AKAP12: variants seen among roughly 807,000 people sequenced by gnomAD.
AKAP12 encodes the protein A-kinase anchoring protein 12, also known as A-kinase anchor protein 12.
A neutral mutation model predicts 79.9 loss-of-function variants in AKAP12; 32 were observed. The ratio of observed to expected loss-of-function variants is 0.40; its 90% CI spans 0.30 to 0.54. The LOEUF (loss-of-function observed/expected upper bound fraction) is 0.54. Among genes scored for constraint, AKAP12 ranks in the 20% least tolerant of loss-of-function variants. The pLI, the probability that AKAP12 is intolerant of heterozygous loss-of-function variation, is 0.48. For missense variants in AKAP12, 2,074 were observed against 2,177.0 expected, an observed-to-expected ratio of 0.95 and a Z score of 0.94; for synonymous variants, 808 against 857.0, an observed-to-expected ratio of 0.94 and a Z score of 1.00.
chr6:151,257,048 A>T (rs937406789), intron 2 of AKAP12, among the ~76,000 whole-genome samples: 14 of 151,998 alleles, frequency 9.2e-5, no homozygotes, highest in African/African-American at 3.4e-4. Flanking sequence ...ACAACTTTTT[A>T]AAAAATAATT....
At chr6:151,304,735 C>A (rs1181994599) in intron 2 of AKAP12, among the ~76,000 whole-genome samples, 3 of 151,658 alleles carry the variant, frequency 2.0e-5, no homozygotes, top group Non-Finnish European at 4.4e-5. Context: ...CACCACCATG[C>A]CTGGCTAATT....
At chr6:151,244,595 T>G (rs1345968224) in intron 2 of AKAP12, among the ~76,000 whole-genome samples, 1 of 152,130 alleles carries the variant, frequency 6.6e-6, no homozygotes, top group Non-Finnish European at 1.5e-5. Flanking sequence ...ATTCCTCCCA[T>G]AAGCTTCCTC....
At chr6:151,329,905 A>G (rs1202027284) in intron 3 of AKAP12, among the ~76,000 whole-genome samples, 1 of 152,250 alleles carries the variant, frequency 6.6e-6, no homozygotes, top group African/African-American at 2.4e-5. Context: ...TAGAAAGAGC[A>G]TAACTGTAGA....
chr6:151,312,972 C>T (rs756507448), intron 3 of AKAP12, among the ~76,000 whole-genome samples: 1 of 152,090 alleles, frequency 6.6e-6, no homozygotes, highest in Non-Finnish European at 1.5e-5. Context: ...TAAATGAAGA[C>T]ACAGTTTTCA....
chr6:151,279,078 A>G (rs927486568), intron 2 of AKAP12, among the ~76,000 whole-genome samples: 5 of 152,162 alleles, frequency 3.3e-5, no homozygotes, highest in African/African-American at 1.2e-4. Flanking sequence ...TTCAATAAGC[A>G]GTTATAGTGG....
chr6:151,280,785 T>C (rs1776389195), intron 2 of AKAP12, among the ~76,000 whole-genome samples: 1 of 152,036 alleles, frequency 6.6e-6, no homozygotes, highest in Middle Eastern at 3.4e-3. Context: ...GGACTACAGT[T>C]GTAGGCCATC....
At chr6:151,327,428 T>C (rs935590542) in intron 3 of AKAP12, among the ~76,000 whole-genome samples, 2 of 152,202 alleles carry the variant, frequency 1.3e-5, no homozygotes, top group African/African-American at 2.4e-5. Flanking sequence ...ATCTCCATTT[T>C]TTCCCCCAGA....
At position 151,352,660 on chromosome 6, in the gene AKAP12, G is replaced by T; in HGVS notation, c.4269G>T (p.Ala1423=). Residue 1423 remains alanine (A), a synonymous_variant, in exon 4 of 5, where the codon GCG becomes GCT. Coordinates refer to ENST00000402676, the MANE Select transcript of AKAP12 (RefSeq NM_005100.4). ...CTGAGGCATCATTCACTCTAACAGCGGCTGCAGAGGAGGAAAAGGTCTTAG... is the reference window on the plus strand; with the variant it reads ...CTGAGGCATCATTCACTCTAACAGCTGCTGCAGAGGAGGAAAAGGTCTTAG... ...QSSEASFTLT[A]AAEEEKVLGE... 1.9e-6 allele frequency: 3 copies of T among 1,614,140 alleles called. No homozygotes were observed. Among genetic ancestry groups the T allele is most frequent in the African/African-American group, 1.3e-5 (1 of 75,022 alleles).
At chr6:151,290,410 C>T (rs1174717766) in intron 2 of AKAP12, among the ~76,000 whole-genome samples, 1 of 152,074 alleles carries the variant, frequency 6.6e-6, no homozygotes, top group Non-Finnish European at 1.5e-5. Context: ...CCTAGCACAT[C>T]CCTCACCCAA....
intron 2 of AKAP12, among the ~76,000 whole-genome samples, chr6:151,289,612 G>C (rs1211018203): frequency 3.9e-5 from 6 of 152,160 alleles, no homozygotes; most frequent in Non-Finnish European, 7.3e-5. Flanking sequence ...AAGGTTGCAA[G>C]ATGTGCAATA....
intron 2 of AKAP12, among the ~76,000 whole-genome samples, chr6:151,300,823 G>A (rs1200157767): frequency 6.6e-6 from 1 of 151,954 alleles, no homozygotes; most frequent in African/African-American, 2.4e-5. Flanking sequence ...AAACATTTAG[G>A]GTTTTGATTT....
Position 151,348,683 on chromosome 6 carries a change from C to G in AKAP12, c.320-28C>G, listed in dbSNP as rs774348880. ...ATTGTAATCACCTTTTCTCTTCTCCCCACCCCCCCGCCCCTTTTTGTTAAT... is the reference window on the plus strand; with the variant it reads ...ATTGTAATCACCTTTTCTCTTCTCCGCACCCCCCCGCCCCTTTTTGTTAAT... On this transcript the variant is annotated intron_variant, in intron 3 of 4. Coordinates refer to ENST00000402676, the MANE Select transcript of AKAP12 (RefSeq NM_005100.4). 7 of 223,834 alleles carry G rather than the reference C, an allele frequency of 3.1e-5. 1 individual carries two copies. The East Asian group carries it at 3.4e-4, about 11-fold the overall frequency. 13.9% of individuals were successfully genotyped at this position (223,834 alleles called of 1,614,324 possible).
chr6:151,345,932 TGAGAGAGAGAGAGA>T (rs56202215), intron 3 of AKAP12, among the ~76,000 whole-genome samples: 6 of 101,374 alleles, frequency 5.9e-5, no homozygotes, highest in African/African-American at 2.6e-4. Flanking sequence ...TGTGTGTGTG[TGAGAGAGAGAGAGA>T]GAGAGAGAGA....
At chr6:151,339,206 G>A (rs145182209) in intron 3 of AKAP12, among the ~76,000 whole-genome samples, 9 of 152,266 alleles carry the variant, frequency 5.9e-5, no homozygotes, top group African/African-American at 2.2e-4. Flanking sequence ...CATAAGTGGC[G>A]CTTATGAACT....
chr6:151,356,941 C>T lies in AKAP12; in HGVS notation c.*1227C>T, dbSNP rs1370182387. On this transcript the variant is annotated 3_prime_UTR_variant, in exon 5 of 5. Coordinates refer to ENST00000402676, the MANE Select transcript of AKAP12 (RefSeq NM_005100.4). ...GGAAGCCATGGCCGAGATAGCTTTC[C>T]TGAAATAAACCAGTAGCTTTTCAGA... 6.6e-6 allele frequency: 1 copy of T among 152,174 alleles called. No individual in the cohort carries two copies. The highest frequency in any genetic ancestry group is 6.5e-5 in the Admixed American group (1 of 15,274). 9.4% of individuals were successfully genotyped at this position (152,174 alleles called of 1,614,324 possible). A position where few individuals can be genotyped will look rare whatever the true frequency, so the allele number is the denominator to read the frequency against.
chr6:151,345,932 T>TGAGAGAGAGAGAGAGAGA (rs56202215), intron 3 of AKAP12, among the ~76,000 whole-genome samples: 71 of 101,424 alleles, frequency 7.0e-4, no homozygotes, highest in African/African-American at 2.7e-3. Flanking sequence ...TGTGTGTGTG[T>TGAGAGAGAGAGAGAGAGA]GAGAGAGAGA....
chr6:151,308,033 C>T (rs1372345616), intron 3 of AKAP12, among the ~76,000 whole-genome samples: 1 of 151,302 alleles, frequency 6.6e-6, no homozygotes, highest in Non-Finnish European at 1.5e-5. Flanking sequence ...TGCCACCACA[C>T]CTGGCTAATT....
chr6:151,252,281 C>T (rs908715035), intron 2 of AKAP12, among the ~76,000 whole-genome samples: 13 of 151,868 alleles, frequency 8.6e-5, no homozygotes, highest in Non-Finnish European at 1.9e-4. Context: ...TTACTGCACC[C>T]CCGCCTCCCG....
At chr6:151,259,361 A>T (rs567630008) in intron 2 of AKAP12, among the ~76,000 whole-genome samples, 1 of 151,108 alleles carries the variant, frequency 6.6e-6, no homozygotes, top group East Asian at 2.0e-4. Context: ...TTTTTAAAAT[A>T]ACATATTTTC....
Sources: gnomAD v4.1 joint callset for allele counts (sites outside exome capture counted in the v4.1 genomes callset) on GRCh38, gnomAD v4.1.1 for gene constraint, MANE v1.5 for transcripts, NCBI Gene and HGNC (gene_info 2026-07-23, HGNC 2026-07-21) for gene names.